TRDN: variants seen among roughly 807,000 people sequenced by gnomAD.
The protein encoded by TRDN is triadin in skeletal muscle.
Under a neutral mutation model 149.7 loss-of-function variants are expected in TRDN, and 161 were observed. The ratio of observed to expected loss-of-function variants is 1.08; its 90% CI spans 0.95 to 1.23. The LOEUF (loss-of-function observed/expected upper bound fraction) is 1.23, where lower values mean the gene tolerates loss of function less well. Among genes scored for constraint, TRDN ranks in the 50% most tolerant of loss-of-function variants. TRDN has a pLI of 0.00. For synonymous variants in TRDN, 294 were observed against 250.5 expected (o/e 1.17, Z -1.64); for missense variants, 896 against 823.5 (o/e 1.09, Z -1.08).
chr6:123,301,772 T>TATATATATATATATATAC (rs1778432074), intron 24 of TRDN, among the ~76,000 whole-genome samples: 15 of 124,876 alleles, frequency 1.2e-4, no homozygotes, highest in African/African-American at 4.1e-4. Context: ...TATATATACA[T>TATATATATATATATATAC]ATATATATAT....
intron 9 of TRDN, among the ~76,000 whole-genome samples, chr6:123,485,208 T>C (rs564419355): frequency 1.5e-4 from 23 of 152,352 alleles, no homozygotes; most frequent in African/African-American, 5.3e-4. Flanking sequence ...TTCTGTATGC[T>C]GCCTGCAGTC....
intron 24 of TRDN, among the ~76,000 whole-genome samples, chr6:123,281,269 A>G (rs1390523478): frequency 6.6e-6 from 1 of 151,816 alleles, no homozygotes; most frequent in Non-Finnish European, 1.5e-5. Context: ...AAGGCTGAGA[A>G]CCTTTTGTTA....
At chr6:123,498,550 G>A (rs1236653746) in intron 8 of TRDN, 1 of 470,970 alleles carries the variant, frequency 2.1e-6, no homozygotes, top group Non-Finnish European at 4.4e-6. Context: ...TAGGGAATGG[G>A]AAGGAGGCTA....
chr6:123,585,190 G>A lies in TRDN; in HGVS notation c.23-14058C>T, dbSNP rs1783396140. ...CGCAAAGGAGGCTTTGGATTGGGAA[G>A]AAGGGCAGCAATGAGATGTAGCTGT... On this transcript the variant is annotated intron_variant, in intron 1 of 40. Coordinates refer to ENST00000334268, the MANE Select transcript of TRDN (RefSeq NM_006073.4). 2.0e-5 allele frequency among the ~76,000 whole-genome samples: 3 copies of A among 150,090 alleles called. No homozygotes were observed. In the South Asian group the frequency reaches 6.5e-4, roughly 32 times the overall value.
chr6:123,326,997 A>G (rs768014312), intron 23 of TRDN, among the ~76,000 whole-genome samples: 1 of 152,194 alleles, frequency 6.6e-6, no homozygotes, highest in African/African-American at 2.4e-5. Flanking sequence ...ACCAAAAGCT[A>G]TATATATTCT....
intron 13 of TRDN, among the ~76,000 whole-genome samples, chr6:123,390,216 G>T (rs1435742316): frequency 6.6e-6 from 1 of 152,034 alleles, no homozygotes; most frequent in East Asian, 1.9e-4. Flanking sequence ...CAAAAAGAGG[G>T]CTCAGAATGT....
chr6:123,558,882 C>T (rs568315981), intron 2 of TRDN, among the ~76,000 whole-genome samples: 1 of 152,382 alleles, frequency 6.6e-6, no homozygotes, highest in African/African-American at 2.4e-5. Context: ...CCAGGGATTC[C>T]TCCAGAACCT....
chr6:123,492,147 G>A (rs772653160), intron 9 of TRDN, among the ~76,000 whole-genome samples: 2 of 152,018 alleles, frequency 1.3e-5, no homozygotes, highest in Non-Finnish European at 2.9e-5. Flanking sequence ...GATTCTGATA[G>A]GTGAGTACCC....
Position 123,625,651 on chromosome 6 carries a change from C to T in TRDN, c.22+11103G>A, listed in dbSNP as rs117949664. 7.9e-3 allele frequency among the ~76,000 whole-genome samples: 1,197 copies of T among 152,044 alleles called. 23 individuals are homozygous for T. The highest frequency in any genetic ancestry group is 6.5e-3 in the Non-Finnish European group (440 of 67,992). ...GATAAATGCTTGAGGTCATGGATAC[C>T]CCGCTTATCCTGATGTGATTATTAC... On this transcript the variant is annotated intron_variant, in intron 1 of 40. Coordinates refer to ENST00000334268, the MANE Select transcript of TRDN (RefSeq NM_006073.4).
intron 1 of TRDN, among the ~76,000 whole-genome samples, chr6:123,617,126 G>T (rs1404549008): frequency 6.6e-6 from 1 of 152,004 alleles, no homozygotes; most frequent in Non-Finnish European, 1.5e-5. Context: ...AGCAGTGTCA[G>T]CTTTCTATTA....
chr6:123,371,866 G>A (rs1381128741), intron 19 of TRDN, among the ~76,000 whole-genome samples: 1 of 152,002 alleles, frequency 6.6e-6, no homozygotes, highest in Non-Finnish European at 1.5e-5. Flanking sequence ...CATCACTCTA[G>A]TGCTGTATGA....
At chr6:123,412,047 A>G (rs1234530575) in intron 12 of TRDN, among the ~76,000 whole-genome samples, 3 of 152,212 alleles carry the variant, frequency 2.0e-5, no homozygotes, top group African/African-American at 7.2e-5. Context: ...TCATGTTGTT[A>G]GCTTCAAATT....
chr6:123,631,783 T>C (rs1276673139), intron 1 of TRDN, among the ~76,000 whole-genome samples: 1 of 152,006 alleles, frequency 6.6e-6, no homozygotes, highest in Non-Finnish European at 1.5e-5. Context: ...AAACTTAATG[T>C]ACCCATTATC....
chr6:123,369,328 A>G (rs1781234421), intron 19 of TRDN, among the ~76,000 whole-genome samples: 2 of 152,124 alleles, frequency 1.3e-5, no homozygotes, highest in African/African-American at 4.8e-5. Flanking sequence ...TGAAGACCCT[A>G]TTTCAAAATC....
chr6:123,546,176 A>G (rs369533971), intron 4 of TRDN, among the ~76,000 whole-genome samples: 3 of 152,112 alleles, frequency 2.0e-5, no homozygotes, highest in African/African-American at 7.2e-5. Context: ...CCTGGATTTG[A>G]TGGCTGAAGT....
At chr6:123,464,398 GTATA>G (rs911687201) in intron 10 of TRDN, 2 of 959,660 alleles carry the variant, frequency 2.1e-6, no homozygotes, top group Admixed American at 1.2e-4. Context: ...GAGTGTGTGT[GTATA>G]TATATATTTC....
chr6:123,452,741 G>GA (rs1168951984), intron 10 of TRDN, among the ~76,000 whole-genome samples: 2 of 151,984 alleles, frequency 1.3e-5, no homozygotes, highest in African/African-American at 2.4e-5. Flanking sequence ...CGCAGAGTTA[G>GA]AAAAAACAAT....
At chr6:123,265,730 T>C (rs920231550) in intron 32 of TRDN, among the ~76,000 whole-genome samples, 3 of 147,742 alleles carry the variant, frequency 2.0e-5, no homozygotes, top group African/African-American at 7.3e-5. Context: ...TATTAATTAT[T>C]AATATTAATT....
At chr6:123,475,780 G>A (rs577318859) in intron 9 of TRDN, among the ~76,000 whole-genome samples, 274 of 149,220 alleles carry the variant, frequency 1.8e-3, no homozygotes, top group Non-Finnish European at 2.8e-3. Context: ...ATGTAATCCA[G>A]CATATAAACA....
Sources: allele counts gnomAD v4.1 joint callset (sites outside exome capture counted in the v4.1 genomes callset), GRCh38; gene constraint gnomAD v4.1.1; transcripts MANE v1.5; gene names NCBI Gene and HGNC (gene_info 2026-07-23, HGNC 2026-07-21).